Variants in PACS2 observed in about 807,000 individuals in gnomAD.
The protein encoded by PACS2 is PACS1-like protein.
A neutral mutation model predicts 113.0 loss-of-function variants in PACS2; 36 were observed. That is an observed-to-expected ratio of 0.32 (90% CI 0.24 to 0.42). The LOEUF is 0.42. PACS2 is among the 10% of genes least tolerant of loss of function. PACS2 has a pLI of 1.00. For synonymous variants in PACS2, 589 were observed against 536.1 expected (o/e 1.10, Z -1.36); for missense variants, 1,015 against 1,239.5 (o/e 0.82, Z 2.72).
chr14:105,362,786 G>A (rs1421621472), intron 4 of PACS2, among the ~76,000 whole-genome samples: 6 of 152,214 alleles, frequency 3.9e-5, no homozygotes, highest in Admixed American at 1.3e-4. Flanking sequence ...GGGAGGCAGA[G>A]GTTGTAGTGA....
At chr14:105,386,337 A>C (rs587718481) in intron 19 of PACS2, among the ~76,000 whole-genome samples, 1 of 152,140 alleles carries the variant, frequency 6.6e-6, no homozygotes, top group Non-Finnish European at 1.5e-5. Context: ...CCTGGCTCCC[A>C]GGGCTCCCTC....
rs782776841 is a variant in PACS2, at chr14:105,392,782, G to A, written c.2419G>A (p.Gly807Ser). Residue 807 changes from glycine to serine, a missense_variant, in exon 23 of 25, where the codon GGC (glycine) becomes AGC (serine). Gly to Ser is a moderately conservative substitution (Grantham distance 56). Coordinates refer to ENST00000447393, the MANE Select transcript of PACS2 (RefSeq NM_001100913.3). The stretch of plus-strand genomic sequence containing the variant: ...CCAGGTCAGCAGGCTGCCCAGCAGC[G>A]GCGAGGCTGCAGCCACGCCCACCAT... Reference protein sequence around the residue: ...SLQVSRLPSSGEAAATPTMSM... With the variant: ...SLQVSRLPSSSEAAATPTMSM... 11 of 1,610,890 alleles carry A rather than the reference G, an allele frequency of 6.8e-6. No homozygotes were observed. Among genetic ancestry groups the A allele is most frequent in the African/African-American group, 6.7e-5 (5 of 74,916 alleles).
chr14:105,384,161 T>C, intron 16 of PACS2, 192 bp from the exon 17 acceptor site: 1 of 568,706 alleles, frequency 1.8e-6, no homozygotes, highest in Non-Finnish European at 3.2e-6. Context: ...GGGCTGGAGC[T>C]CCTTCAGCGG....
At chr14:105,353,315 C>T (rs1222949912) in intron 3 of PACS2, among the ~76,000 whole-genome samples, 1 of 132,442 alleles carries the variant, frequency 7.6e-6, no homozygotes, top group African/African-American at 2.9e-5. Flanking sequence ...GGTGATGGGC[C>T]CCCTCGTCAC....
chr14:105,319,238 G>A (rs1013756801), intron 1 of PACS2, among the ~76,000 whole-genome samples: 6 of 152,228 alleles, frequency 3.9e-5, no homozygotes, highest in African/African-American at 9.6e-5. Context: ...GAGCCACCAC[G>A]CCCAGCCAGA....
At chr14:105,322,118 A>G (rs964604225) in intron 1 of PACS2, among the ~76,000 whole-genome samples, 2 of 150,848 alleles carry the variant, frequency 1.3e-5, no homozygotes, top group Non-Finnish European at 3.0e-5. Flanking sequence ...TTGTATTTTT[A>G]GTAGAGACGG....
chr14:105,319,164 T>A (rs1217632160), intron 1 of PACS2, among the ~76,000 whole-genome samples: 1 of 151,800 alleles, frequency 6.6e-6, no homozygotes, highest in African/African-American at 2.4e-5. Context: ...GCCAGGATGG[T>A]CTCGATCTCT....
rs145076845 is a variant in PACS2 at position 105,391,647 on chromosome 14, G to A, written c.2136G>A (p.Ala712=). The A allele has an allele frequency of 1.4e-4, 231 of 1,610,066 alleles. No homozygotes were observed. Among genetic ancestry groups the A allele is most frequent in the African/African-American group, 1.2e-3 (89 of 74,980 alleles). ...TCCCCAAAGGCGACTCGGACGACGC[G>A]GCCCCCTCGGGCTCTGGCACGCTCT... ...SSATSGDSDD[A]APSGSGTLSS... is the part of the protein sequence containing the mutation. Residue 712 remains alanine (A), a synonymous_variant, in exon 22 of 25, where the codon GCG becomes GCA. Transcript: ENST00000447393.
Position 105,367,351 on chromosome 14 carries a change from G to T in PACS2, c.562G>T (p.Ala188Ser). ...PIDHEDSTMQAGPKAKSTDNY... is the reference protein window; with the variant it reads ...PIDHEDSTMQSGPKAKSTDNY... ...TGACCACGAAGACAGCACCATGCAGGCCGGCCCCAAGGCCAAGTCCACGGG... is the reference window on the plus strand; with the variant it reads ...TGACCACGAAGACAGCACCATGCAGTCCGGCCCCAAGGCCAAGTCCACGGG... Residue 188 changes from alanine (A) to serine (S), a missense_variant, in exon 5 of 25, where the codon GCC becomes TCC. Ala to Ser is a moderately conservative substitution (Grantham distance 99). Coordinates refer to ENST00000447393, the MANE Select transcript of PACS2 (RefSeq NM_001100913.3). The T allele has an allele frequency of 6.2e-7, 1 of 1,613,302 alleles. No homozygotes were observed. Among genetic ancestry groups the T allele is most frequent in the Non-Finnish European group, 8.5e-7 (1 of 1,179,988 alleles).
intron 4 of PACS2, among the ~76,000 whole-genome samples, chr14:105,360,560 A>G (rs1257801969): frequency 6.7e-6 from 1 of 149,318 alleles, no homozygotes; most frequent in Non-Finnish European, 1.5e-5. Context: ...AAAAAAAAAG[A>G]AAAGAAAAAG....
chr14:105,306,686 A>G (rs941318153), intron 1 of PACS2, among the ~76,000 whole-genome samples: 19 of 151,032 alleles, frequency 1.3e-4, no homozygotes, highest in African/African-American at 4.4e-4. Context: ...ATGTACCGCA[A>G]TCTCTACCTC....
chr14:105,329,943 A>G lies in PACS2; in HGVS notation c.119+14906A>G, dbSNP rs1390523934. ...ACCCATCCCTGTGGTCTGCACGTCCATGCCAGGGCCGAGCCCCCAGCTGGG... is the reference window on the plus strand; with the variant it reads ...ACCCATCCCTGTGGTCTGCACGTCCGTGCCAGGGCCGAGCCCCCAGCTGGG... On this transcript the variant is annotated intron_variant, in intron 1 of 24. Transcript: ENST00000447393. The surrounding 1 kb of genome is among the most constrained non-coding windows in gnomAD (Gnocchi z 6.4). Among the ~76,000 whole-genome samples the G allele has an allele frequency of 6.6e-6, 1 of 152,194 alleles. No homozygotes were observed. The highest frequency in any genetic ancestry group is 2.4e-5 in the African/African-American group (1 of 41,442).
intron 8 of PACS2, chr14:105,370,910 G>A (rs1372546861): frequency 6.6e-6 from 1 of 152,266 alleles, no homozygotes; most frequent in African/African-American, 2.4e-5. Context: ...TTCAGGACCT[G>A]AAGTGGAGAG....
At chr14:105,339,735 C>T (rs2059656368) in intron 1 of PACS2, among the ~76,000 whole-genome samples, 1 of 149,794 alleles carries the variant, frequency 6.7e-6, no homozygotes, top group Non-Finnish European at 1.5e-5. Context: ...TGACAAAGAA[C>T]AAGTCTTAAT....
At chr14:105,309,967 G>C (rs907463100), upstream of PACS2, among the ~76,000 whole-genome samples, 27 of 151,530 alleles carry the variant, frequency 1.8e-4, no homozygotes, top group African/African-American at 6.3e-4. The surrounding 1 kb of genome is among the most constrained non-coding windows in gnomAD (Gnocchi z 4.0). Context: ...TGTATTTTTA[G>C]TAGAGACGGG....
At chr14:105,336,169 G>A (rs1483164958) in intron 1 of PACS2, among the ~76,000 whole-genome samples, 1 of 152,206 alleles carries the variant, frequency 6.6e-6, no homozygotes. Flanking sequence ...ACAAAACACA[G>A]TCAGCAGGTT....
intron 8 of PACS2, chr14:105,370,501 C>G (rs1234595668): frequency 6.6e-6 from 1 of 151,964 alleles, no homozygotes; most frequent in East Asian, 2.0e-4. Flanking sequence ...TCACTTGGGC[C>G]CAGGAGTTTG....
intron 1 of PACS2, among the ~76,000 whole-genome samples, chr14:105,316,798 C>T (rs587680438): frequency 2.6e-5 from 4 of 152,096 alleles, no homozygotes; most frequent in South Asian, 4.2e-4. Context: ...GGGGGGGTCC[C>T]GAGCTCTGGC....
intron 20 of PACS2, 94 bp downstream of exon 20, chr14:105,390,097 C>T: frequency 3.7e-6 from 4 of 1,095,026 alleles, no homozygotes; most frequent in Non-Finnish European, 5.7e-6. Context: ...CGATATATTC[C>T]AGAACCTTCC....
Sources: allele counts gnomAD v4.1 joint callset (sites outside exome capture counted in the v4.1 genomes callset), GRCh38; gene constraint gnomAD v4.1.1; non-coding constraint Gnocchi (gnomAD v3.1); transcripts MANE v1.5; gene names NCBI Gene and HGNC (gene_info 2026-07-23, HGNC 2026-07-21).